The following MSRB3 variants were observed in gnomAD, a reference collection of about 807,000 sequenced individuals.
The protein encoded by MSRB3 is methionine sulfoxide reductase B3, also known as methionine-R-sulfoxide reductase B3.
Under a neutral mutation model 21.0 loss-of-function variants are expected in MSRB3, and 13 were observed. That is an observed-to-expected ratio of 0.62 (90% CI 0.40 to 0.98). The LOEUF (loss-of-function observed/expected upper bound fraction) is 0.98, where lower values mean the gene tolerates loss of function less well. Among genes scored for constraint, MSRB3 ranks in the 50% least tolerant of loss-of-function variants. The pLI, the probability that MSRB3 is intolerant of heterozygous loss-of-function variation, is 0.00. For synonymous variants in MSRB3, 87 were observed against 88.6 expected, an observed-to-expected ratio of 0.98 and a Z score of 0.10; for missense variants, 199 against 230.3, an observed-to-expected ratio of 0.86 and a Z score of 0.88.
chr12:65,407,337 TG>T (rs1280255286), intron 5 of MSRB3, among the ~76,000 whole-genome samples: 26 of 143,070 alleles, frequency 1.8e-4, no homozygotes, highest in South Asian at 2.2e-4. Context: ...TGTCCTGGTA[TG>T]TTTTTTTTTT....
At position 65,278,807 on chromosome 12, in the gene MSRB3, C is replaced by T. The variant is rs150572160; in HGVS notation, c.-110C>T. On this transcript the variant is annotated 5_prime_UTR_variant, in exon 1 of 7. Transcript: ENST00000308259. ...GGACCCTCCCGCGCCCCCTCTCGCT[C>T]TGCCTCTCCCTCTGCCTCTGCCTCT... 4.0e-4 allele frequency: 635 copies of T among 1,571,154 alleles called. No homozygotes were observed. Among genetic ancestry groups the T allele is most frequent in the Non-Finnish European group, 5.1e-4 (589 of 1,158,504 alleles).
intron 5 of MSRB3, among the ~76,000 whole-genome samples, chr12:65,375,918 G>T (rs1356942464): frequency 8.3e-6 from 1 of 120,720 alleles, no homozygotes; most frequent in Non-Finnish European, 1.7e-5. Context: ...CTATTATTCA[G>T]TACTTATTAA....
chr12:65,294,832 T>C (rs1015478391), intron 1 of MSRB3, among the ~76,000 whole-genome samples: 1 of 152,160 alleles, frequency 6.6e-6, no homozygotes, highest in Non-Finnish European at 1.5e-5. Context: ...TTTTTTTGTT[T>C]TGTTTTGTTT....
intron 6 of MSRB3, among the ~76,000 whole-genome samples, chr12:65,457,349 TC>T (rs1883135871): frequency 6.6e-6 from 1 of 152,168 alleles, no homozygotes; most frequent in Non-Finnish European, 1.5e-5. Flanking sequence ...TAGGTATTTC[TC>T]CTAATGCTAT....
chr12:65,371,646 A>G (rs1422818472), intron 5 of MSRB3, among the ~76,000 whole-genome samples: 4 of 152,066 alleles, frequency 2.6e-5, no homozygotes, highest in Admixed American at 6.5e-5. Flanking sequence ...TATATCAAGG[A>G]AAGTACCCAA....
chr12:65,338,912 TA>T (rs1214197079), intron 4 of MSRB3, among the ~76,000 whole-genome samples: 1 of 151,870 alleles, frequency 6.6e-6, no homozygotes, highest in Admixed American at 6.6e-5. Flanking sequence ...CTGTCTCTAC[TA>T]AAACACAAAA....
chr12:65,356,616 A>C (rs1176818578), intron 4 of MSRB3, among the ~76,000 whole-genome samples: 1 of 151,918 alleles, frequency 6.6e-6, no homozygotes, highest in East Asian at 1.9e-4. Flanking sequence ...TAATATAAAC[A>C]AATTGGAGTA....
At chr12:65,420,777 C>T (rs770610593) in intron 5 of MSRB3, among the ~76,000 whole-genome samples, 12 of 152,160 alleles carry the variant, frequency 7.9e-5, no homozygotes, top group Non-Finnish European at 1.2e-4. Flanking sequence ...CCAGCTCCAT[C>T]CATGTTTCTG....
intron 2 of MSRB3, among the ~76,000 whole-genome samples, chr12:65,312,199 C>A (rs1874029618): frequency 6.6e-6 from 1 of 151,976 alleles, no homozygotes. Flanking sequence ...TTCTTAAATT[C>A]TGTGATTTTA....
At chr12:65,443,156 G>A (rs969253767) in intron 5 of MSRB3, among the ~76,000 whole-genome samples, 1 of 152,096 alleles carries the variant, frequency 6.6e-6, no homozygotes, top group Non-Finnish European at 1.5e-5. Flanking sequence ...ATTTAAAAAT[G>A]TTGTGCAGGG....
At chr12:65,327,229 T>G (rs1875106022) in intron 3 of MSRB3, among the ~76,000 whole-genome samples, 1 of 152,230 alleles carries the variant, frequency 6.6e-6, no homozygotes, top group African/African-American at 2.4e-5. Flanking sequence ...TTTAGGTACA[T>G]TTTTTGGGAA....
intron 5 of MSRB3, among the ~76,000 whole-genome samples, chr12:65,413,206 A>G (rs1039780993): frequency 6.6e-6 from 1 of 152,230 alleles, no homozygotes. Flanking sequence ...AGATGAACCC[A>G]TCTCCTGACT....
intron 5 of MSRB3, among the ~76,000 whole-genome samples, chr12:65,411,959 T>A (rs576685518): frequency 2.0e-5 from 3 of 152,156 alleles, no homozygotes; most frequent in African/African-American, 7.2e-5. Context: ...CACTCTCATT[T>A]TATAAATAAT....
intron 5 of MSRB3, among the ~76,000 whole-genome samples, chr12:65,394,592 A>C (rs763539549): frequency 2.6e-4 from 40 of 152,216 alleles, no homozygotes; most frequent in Admixed American, 1.9e-3. Flanking sequence ...AACTCATTCT[A>C]CAGGGTCACT....
chr12:65,280,769 C>G (rs1871968819), intron 1 of MSRB3, among the ~76,000 whole-genome samples: 1 of 152,178 alleles, frequency 6.6e-6, no homozygotes, highest in African/African-American at 2.4e-5. Context: ...AATCAACACA[C>G]TGCTTTTTGT....
At chr12:65,410,405 C>A (rs1252437771) in intron 5 of MSRB3, among the ~76,000 whole-genome samples, 2 of 152,088 alleles carry the variant, frequency 1.3e-5, no homozygotes, top group East Asian at 3.9e-4. Flanking sequence ...CCTATAATTC[C>A]AGCACTTTGG....
At chr12:65,409,709 G>A (rs1880616288) in intron 5 of MSRB3, among the ~76,000 whole-genome samples, 1 of 151,798 alleles carries the variant, frequency 6.6e-6, no homozygotes, top group African/African-American at 2.4e-5. Context: ...CTTTTTATGT[G>A]TTACATTATA....
At chr12:65,289,640 C>T (rs1872568736) in intron 1 of MSRB3, among the ~76,000 whole-genome samples, 1 of 152,030 alleles carries the variant, frequency 6.6e-6, no homozygotes, top group African/African-American at 2.4e-5. Context: ...GTTTGGTGTA[C>T]AGATAATTTT....
intron 5 of MSRB3, among the ~76,000 whole-genome samples, 194 bp from the exon 6 acceptor site, chr12:65,453,534 A>G (rs1882951984): frequency 6.6e-6 from 1 of 152,226 alleles, no homozygotes; most frequent in Non-Finnish European, 1.5e-5. Flanking sequence ...GAATATGAGG[A>G]AAGGGTTAAA....
Sources: allele counts gnomAD v4.1 joint callset (sites outside exome capture counted in the v4.1 genomes callset), GRCh38; gene constraint gnomAD v4.1.1; transcripts MANE v1.5; gene names NCBI Gene and HGNC (gene_info 2026-07-23, HGNC 2026-07-21).